Variants in SLC25A48 observed in about 807,000 individuals in gnomAD.
SLC25A48 encodes solute carrier family 25 member 48, also known as CTC-321K16.1.
SLC25A48 carries 29 observed loss-of-function variants against 32.2 expected under a neutral mutation model. The observed-to-expected ratio is 0.90, with a 90% CI of 0.67 to 1.23. The LOEUF is 1.23. Ranked by LOEUF, SLC25A48 falls within the 50% of genes most tolerant of loss-of-function variation. SLC25A48 has a pLI of 0.00. For missense variants in SLC25A48, 399 were observed against 422.7 expected (o/e 0.94, Z 0.49); for synonymous variants, 164 against 172.3 (o/e 0.95, Z 0.38).
At chr5:135,612,783 G>C (rs1169431335) in intron 1 of SLC25A48, among the ~76,000 whole-genome samples, 1 of 152,170 alleles carries the variant, frequency 6.6e-6, no homozygotes. Flanking sequence ...TTATGCATAT[G>C]TGGTTTAGTA....
rs1177023911 is a variant in SLC25A48, at chr5:135,629,040, C to T, written c.-848-197C>T. On this transcript the variant is annotated intron_variant, in intron 1 of 10. Coordinates refer to the SLC25A48 transcript ENST00000646290. This position sits in a 1 kb window ranked among gnomAD's most constrained non-coding sequence, Gnocchi z 4.8. ...CCAGAATTAGGCTACAGTCCCTTTT[C>T]ATAAATTCCCCAGCAGTTAGAACAG... Among the ~76,000 whole-genome samples the T allele has an allele frequency of 6.6e-6, 1 of 152,140 alleles. No individual in the cohort carries two copies. Among genetic ancestry groups the T allele is most frequent in the Non-Finnish European group, 1.5e-5 (1 of 68,022 alleles).
intron 3 of SLC25A48, among the ~76,000 whole-genome samples, chr5:135,756,904 T>G (rs1755924376): frequency 6.6e-6 from 1 of 151,348 alleles, no homozygotes; most frequent in Non-Finnish European, 1.5e-5. Flanking sequence ...TATGTAGTAT[T>G]AACACACTGT....
rs567035897 is a variant in SLC25A48, at chr5:135,806,815, T to G, written c.-520-5708T>G. ...TAAATATCATTATATTTTATTATTA[T>G]TAGTAATATCTCAGTGTGTTAACAT... is the stretch of plus-strand genomic sequence containing the variant. On this transcript the variant is annotated intron_variant, in intron 3 of 10. Transcript: ENST00000646290. Among the ~76,000 whole-genome samples, 14 of 150,278 alleles carry G rather than the reference T, an allele frequency of 9.3e-5. No individual in the cohort carries two copies. In the East Asian group the frequency reaches 1.0e-3, roughly 11 times the overall value.
At chr5:135,606,523 G>A (rs1751935236) in intron 1 of SLC25A48, among the ~76,000 whole-genome samples, 1 of 152,192 alleles carries the variant, frequency 6.6e-6, no homozygotes. Context: ...AGCCCTGTGA[G>A]CCAGCAGCAT....
At chr5:135,726,302 A>G (rs561031139) in intron 3 of SLC25A48, among the ~76,000 whole-genome samples, 1 of 152,356 alleles carries the variant, frequency 6.6e-6, no homozygotes, top group East Asian at 1.9e-4. Context: ...GTAATACAGA[A>G]TCTACGTACC....
At chr5:135,814,396 A>T (rs4457070) in intron 4 of SLC25A48, among the ~76,000 whole-genome samples, 116,588 of 152,130 alleles carry the variant, frequency 0.77, 45,063 homozygotes, top group Middle Eastern at 0.86. Flanking sequence ...CGCAGCAGTG[A>T]GGGGATCATG....
At chr5:135,782,316 T>A (rs930771527) in intron 3 of SLC25A48, among the ~76,000 whole-genome samples, 1 of 116,532 alleles carries the variant, frequency 8.6e-6, no homozygotes, top group African/African-American at 2.6e-5. Context: ...GGGGAGAAGA[T>A]AATATTACTT....
intron 7 of SLC25A48, among the ~76,000 whole-genome samples, chr5:135,881,998 C>T (rs796429395): frequency 6.6e-6 from 1 of 152,252 alleles, no homozygotes. Context: ...ACTGTGACCA[C>T]CCTGGTGATT....
At chr5:135,853,099 TTA>T (rs1395898364) in intron 4 of SLC25A48, among the ~76,000 whole-genome samples, 1 of 152,260 alleles carries the variant, frequency 6.6e-6, no homozygotes, top group African/African-American at 2.4e-5. Flanking sequence ...TGCAATGGCA[TTA>T]TGTTTTAAAT....
chr5:135,789,586 A>G (rs1756967220), intron 3 of SLC25A48, among the ~76,000 whole-genome samples: 1 of 151,552 alleles, frequency 6.6e-6, no homozygotes, highest in Non-Finnish European at 1.5e-5. Context: ...ATGGTTTGTA[A>G]TATCCAGTGG....
In SLC25A48 at chr5:135,618,660, A is replaced by G. The variant is rs192041687; in HGVS notation, c.-848-10577A>G. 3.7e-3 allele frequency among the ~76,000 whole-genome samples: 567 copies of G among 152,148 alleles called. 2 individuals are homozygous for G. Among genetic ancestry groups the G allele is most frequent in the Non-Finnish European group, 5.2e-3 (351 of 67,970 alleles). On this transcript the variant is annotated intron_variant, in intron 1 of 10. Transcript: ENST00000646290. Reference sequence around the variant, plus strand: ...CTCCTCTGGGTGTAGGACTCTTTCAAGCATTTCTTGTAGAGCTGGTCCAGT... The same window carrying G: ...CTCCTCTGGGTGTAGGACTCTTTCAGGCATTTCTTGTAGAGCTGGTCCAGT...
At position 135,879,891 on chromosome 5, in the gene SLC25A48, C is replaced by CTATT. The variant is rs1032244408; in HGVS notation, c.814-76_814-73dup. 5 of 1,506,146 alleles carry CTATT rather than the reference C, an allele frequency of 3.3e-6. No homozygotes were observed. In the African/African-American group the frequency reaches 6.9e-5, roughly 21 times the overall value. The allele number at this position is 1,506,146 out of a possible 1,614,324, so 93.3% of individuals were successfully genotyped here. A position where few individuals can be genotyped will look rare whatever the true frequency, so the allele number is the denominator to read the frequency against. On this transcript the variant is annotated intron_variant, in intron 6 of 7. Coordinates refer to ENST00000681962, the MANE Select transcript of SLC25A48 (RefSeq NM_001349336.2). Reference sequence around the variant, plus strand: ...GGGCCTGGGTAGGCAGCACCACTAGCTATTCTCTGCCCCTCCTTGGTGGCC... The same window carrying CTATT: ...GGGCCTGGGTAGGCAGCACCACTAGCTATTTATTCTCTGCCCCTCCTTGGTGGCC...
intron 3 of SLC25A48, among the ~76,000 whole-genome samples, chr5:135,706,762 C>G (rs910540924): frequency 1.3e-5 from 2 of 152,142 alleles, no homozygotes; most frequent in Non-Finnish European, 2.9e-5. Flanking sequence ...GATGTGCAGA[C>G]AGGTCTCATC....
At chr5:135,718,691 C>T (rs943899839) in intron 3 of SLC25A48, among the ~76,000 whole-genome samples, 1 of 152,216 alleles carries the variant, frequency 6.6e-6, no homozygotes, top group African/African-American at 2.4e-5. Flanking sequence ...ACTCTTCATA[C>T]ATCCAACAAC....
chr5:135,720,850 G>A (rs942122427), intron 3 of SLC25A48, among the ~76,000 whole-genome samples: 1 of 152,096 alleles, frequency 6.6e-6, no homozygotes, highest in Non-Finnish European at 1.5e-5. Context: ...GGGGATGGAT[G>A]TGGTGGTGGA....
intron 2 of SLC25A48, among the ~76,000 whole-genome samples, chr5:135,630,588 CTTTTTTTTTTTTTTTTTTTT>C (rs869088370): frequency 1.0e-4 from 6 of 58,928 alleles, no homozygotes; most frequent in African/African-American, 2.4e-4. Flanking sequence ...GGCTGGGCAC[CTTTTTTTTTTTTTTTTTTTT>C]TTTTTTTTTT....
intron 3 of SLC25A48, among the ~76,000 whole-genome samples, chr5:135,667,565 C>T (rs1753553540): frequency 1.3e-5 from 2 of 152,156 alleles, no homozygotes; most frequent in Admixed American, 1.3e-4. Flanking sequence ...TTAAAAACCC[C>T]CTACTCCCTT....
chr5:135,807,471 G>T (rs1393825353), intron 3 of SLC25A48, among the ~76,000 whole-genome samples: 2 of 150,382 alleles, frequency 1.3e-5, no homozygotes, highest in Non-Finnish European at 3.0e-5. Context: ...GTCATAGTGT[G>T]TTAACACTAT....
At chr5:135,764,304 A>G (rs1756145058) in intron 3 of SLC25A48, among the ~76,000 whole-genome samples, 1 of 151,934 alleles carries the variant, frequency 6.6e-6, no homozygotes. Context: ...ATTACTCCCA[A>G]TATCGTGGAG....
Sources: allele counts gnomAD v4.1 joint callset (sites outside exome capture counted in the v4.1 genomes callset), GRCh38; gene constraint gnomAD v4.1.1; non-coding constraint Gnocchi (gnomAD v3.1); transcripts MANE v1.5; gene names NCBI Gene and HGNC (gene_info 2026-07-23, HGNC 2026-07-21).